The following PLS1 variants were observed in gnomAD, a reference collection of about 807,000 sequenced individuals.
The protein encoded by PLS1 is plastin-1.
In PLS1, 32 loss-of-function variants were observed where a neutral mutation model predicts 73.7. The observed-to-expected ratio is 0.43, with a 90% CI of 0.33 to 0.58. The LOEUF is 0.58. Ranked by LOEUF, PLS1 falls within the 20% of genes least tolerant of loss-of-function variation. PLS1 has a pLI of 0.04. For synonymous variants in PLS1, 217 were observed against 261.3 expected (o/e 0.83, Z 1.63); for missense variants, 633 against 740.5 (o/e 0.85, Z 1.68).
chr3:142,668,906 C>A (rs963407288), intron 2 of PLS1, among the ~76,000 whole-genome samples: 13 of 152,022 alleles, frequency 8.6e-5, no homozygotes, highest in East Asian at 1.9e-4. Flanking sequence ...CTGGCCCCCC[C>A]CATGCTTATT....
intron 14 of PLS1, among the ~76,000 whole-genome samples, chr3:142,709,504 G>A (rs1016327205): frequency 9.9e-5 from 15 of 152,058 alleles, no homozygotes; most frequent in African/African-American, 3.6e-4. Flanking sequence ...ATGAACATAA[G>A]AATATAAATT....
chr3:142,599,216 A>AT (rs2035868492), intron 1 of PLS1, among the ~76,000 whole-genome samples: 4 of 151,034 alleles, frequency 2.6e-5, no homozygotes, highest in African/African-American at 7.4e-5. Context: ...AAATAAATAA[A>AT]AAGTGCATTT....
chr3:142,700,153 A>G lies in PLS1; in HGVS notation c.1371+2086A>G, dbSNP rs369940852. 6.6e-5 allele frequency among the ~76,000 whole-genome samples: 10 copies of G among 152,328 alleles called. No homozygotes were observed. In the South Asian group the frequency reaches 1.2e-3, roughly 19 times the overall value. Reference sequence around the variant, plus strand: ...AAACATAAAGCCTGAAATAAATTCAAGATGTTTAAAAAATGAAGAAGCAGT... The same window carrying G: ...AAACATAAAGCCTGAAATAAATTCAGGATGTTTAAAAAATGAAGAAGCAGT... On this transcript the variant is annotated intron_variant, in intron 12 of 15. Transcript: ENST00000457734.
At chr3:142,611,283 CTG>C (rs1257255014) in intron 1 of PLS1, among the ~76,000 whole-genome samples, 1 of 152,162 alleles carries the variant, frequency 6.6e-6, no homozygotes, top group African/African-American at 2.4e-5. Flanking sequence ...AGAATGAGCT[CTG>C]TGTTATTTTA....
intron 9 of PLS1, among the ~76,000 whole-genome samples, chr3:142,687,222 T>TAAAA (rs200366859): frequency 6.2e-5 from 8 of 129,734 alleles, no homozygotes; most frequent in African/African-American, 2.2e-4. Context: ...GCTGATGAGC[T>TAAAA]AAAAAAAAAA....
chr3:142,627,482 C>T (rs570880197), intron 1 of PLS1, among the ~76,000 whole-genome samples: 1 of 152,150 alleles, frequency 6.6e-6, no homozygotes, highest in African/African-American at 2.4e-5. Context: ...TTAAACTCTA[C>T]CCTCTCAGGA....
chr3:142,626,252 C>A (rs2036425425), intron 1 of PLS1, among the ~76,000 whole-genome samples: 1 of 152,116 alleles, frequency 6.6e-6, no homozygotes, highest in African/African-American at 2.4e-5. Flanking sequence ...AGGAAGCGAG[C>A]ATCTTAGCAA....
At chr3:142,659,925 C>CT (rs1254958232) in intron 1 of PLS1, among the ~76,000 whole-genome samples, 1 of 152,066 alleles carries the variant, frequency 6.6e-6, no homozygotes, top group African/African-American at 2.4e-5. Context: ...ATTAAAGCCT[C>CT]TTTTTTCCTT....
At chr3:142,653,182 C>T (rs1342071110) in intron 1 of PLS1, among the ~76,000 whole-genome samples, 1 of 152,076 alleles carries the variant, frequency 6.6e-6, no homozygotes, top group Non-Finnish European at 1.5e-5. Context: ...AAATGCTTTT[C>T]CAAGAGCTTG....
intron 1 of PLS1, among the ~76,000 whole-genome samples, chr3:142,600,888 ATATATATATATATATATATATATATATAT>A (rs1166010880): frequency 1.1e-4 from 2 of 17,564 alleles, no homozygotes; most frequent in Non-Finnish European, 1.9e-4. Context: ...ATATATATAT[ATATATATATATATATATATATATATATAT>A]TTTTTTTTTT....
intron 4 of PLS1, among the ~76,000 whole-genome samples, chr3:142,671,472 G>A (rs1019508971): frequency 6.6e-6 from 1 of 152,122 alleles, no homozygotes; most frequent in African/African-American, 2.4e-5. Context: ...CATCCTGACT[G>A]ATGAGGTGGC....
At chr3:142,634,779 A>G (rs1348477346) in intron 1 of PLS1, among the ~76,000 whole-genome samples, 1 of 152,210 alleles carries the variant, frequency 6.6e-6, no homozygotes, top group African/African-American at 2.4e-5. Flanking sequence ...TACAAAGAAG[A>G]GCATCAGAAA....
intron 4 of PLS1, chr3:142,673,491 C>T (rs2037651693): frequency 6.6e-6 from 1 of 152,144 alleles, no homozygotes; most frequent in Non-Finnish European, 1.5e-5. Context: ...TGGACATATA[C>T]TTTGAATTCT....
intron 6 of PLS1, 131 bp from the exon 7 acceptor site, chr3:142,683,866 TGAGTAGTGG>T: frequency 1.7e-5 from 10 of 602,646 alleles, no homozygotes; most frequent in Middle Eastern, 4.6e-4. Flanking sequence ...TTTTTTTTTT[TGAGTAGTGG>T]TATTTTCGTT....
chr3:142,598,770 G>A (rs2035857853), intron 1 of PLS1, among the ~76,000 whole-genome samples: 1 of 152,062 alleles, frequency 6.6e-6, no homozygotes, highest in South Asian at 2.1e-4. Flanking sequence ...GGCCGAGGTG[G>A]GTGGATCACA....
At chr3:142,618,851 T>G (rs2036263492) in intron 1 of PLS1, among the ~76,000 whole-genome samples, 1 of 152,168 alleles carries the variant, frequency 6.6e-6, no homozygotes, top group African/African-American at 2.4e-5. Context: ...CTGCCTCATC[T>G]CAAGGCCCAT....
chr3:142,621,984 C>A (rs1449363981), intron 1 of PLS1, among the ~76,000 whole-genome samples: 2 of 152,184 alleles, frequency 1.3e-5, no homozygotes, highest in Non-Finnish European at 2.9e-5. Context: ...TTCCCAAAGA[C>A]AACAGCCTGT....
intron 8 of PLS1, among the ~76,000 whole-genome samples, chr3:142,685,909 G>T (rs1349000730): frequency 2.6e-5 from 4 of 152,210 alleles, no homozygotes; most frequent in Non-Finnish European, 5.9e-5. Context: ...TAGGCAAGGG[G>T]TGCTGTGCAC....
At position 142,604,743 on chromosome 3, in the gene PLS1, G is replaced by A. The variant is rs78408803; in HGVS notation, c.-37+8234G>A. ...AGGTCAGGATATTGAGACCATCCTG[G>A]CTAACATGGTGAAACCCCGTCTCTA... is the stretch of plus-strand genomic sequence containing the variant. On this transcript the variant is annotated intron_variant, in intron 1 of 15. Coordinates refer to ENST00000457734, the MANE Select transcript of PLS1 (RefSeq NM_001145319.2). Among the ~76,000 whole-genome samples, 65 of 152,212 alleles carry A rather than the reference G, an allele frequency of 4.3e-4. No homozygotes were observed. In the East Asian group the frequency reaches 0.012, roughly 27 times the overall value.
Sources: allele counts gnomAD v4.1 joint callset (sites outside exome capture counted in the v4.1 genomes callset), GRCh38; gene constraint gnomAD v4.1.1; transcripts MANE v1.5; gene names NCBI Gene and HGNC (gene_info 2026-07-23, HGNC 2026-07-21).